CCDC191: variants seen among roughly 807,000 people sequenced by gnomAD.
CCDC191 encodes the protein coiled-coil domain-containing protein 191.
Under a neutral mutation model 114.0 loss-of-function variants are expected in CCDC191, and 99 were observed. The ratio of observed to expected loss-of-function variants is 0.87; its 90% CI spans 0.74 to 1.03. CCDC191 has a LOEUF of 1.03. CCDC191 is among the 50% of genes least tolerant of loss of function. CCDC191 has a pLI of 0.00. For missense variants in CCDC191, 973 were observed against 1,087.0 expected, an observed-to-expected ratio of 0.90 and a Z score of 1.47; for synonymous variants, 351 against 376.0, an observed-to-expected ratio of 0.93 and a Z score of 0.77.
chr3:114,027,853 T>A (rs1317058139), intron 7 of CCDC191, among the ~76,000 whole-genome samples: 1 of 152,156 alleles, frequency 6.6e-6, no homozygotes, highest in Admixed American at 6.5e-5. Flanking sequence ...CCTGTGGTCA[T>A]ACCTAGGCTG....
intron 13 of CCDC191, 31 bp downstream of exon 13, chr3:114,001,564 T>C: frequency 6.2e-7 from 1 of 1,612,588 alleles, no homozygotes; most frequent in Non-Finnish European, 8.5e-7. Context: ...AACCTCAAGA[T>C]ACAGGGACTG....
chr3:114,008,225 AG>A (rs961179041), intron 9 of CCDC191, among the ~76,000 whole-genome samples: 7 of 150,512 alleles, frequency 4.7e-5, no homozygotes, highest in African/African-American at 1.7e-4. Flanking sequence ...GTAAGGTAAA[AG>A]GTTCCATACA....
intron 13 of CCDC191, among the ~76,000 whole-genome samples, chr3:113,983,103 A>G (rs374546686): frequency 2.0e-5 from 3 of 152,246 alleles, no homozygotes; most frequent in East Asian, 1.9e-4. Flanking sequence ...CTTCCAAATC[A>G]AAGAATCACT....
chr3:114,005,352 C>G (rs1450970082), intron 10 of CCDC191, among the ~76,000 whole-genome samples, 156 bp downstream of exon 10: 1 of 152,174 alleles, frequency 6.6e-6, no homozygotes, highest in Non-Finnish European at 1.5e-5. Flanking sequence ...CTGTGCCTGT[C>G]ATATACTAGT....
intron 7 of CCDC191, among the ~76,000 whole-genome samples, chr3:114,021,128 A>G (rs1267768203): frequency 6.6e-6 from 1 of 152,182 alleles, no homozygotes. Context: ...CCTGAAAAAG[A>G]AAGGCACATT....
chr3:113,998,048 AT>A (rs2075767747), intron 13 of CCDC191, among the ~76,000 whole-genome samples: 1 of 151,350 alleles, frequency 6.6e-6, no homozygotes, highest in Non-Finnish European at 1.5e-5. Flanking sequence ...GCTCATGCCT[AT>A]AATCCCAGCA....
At chr3:114,051,193 T>C (rs2076694266) in intron 2 of CCDC191, among the ~76,000 whole-genome samples, 1 of 152,198 alleles carries the variant, frequency 6.6e-6, no homozygotes, top group South Asian at 2.1e-4. Context: ...CATCAACCTC[T>C]GATCCATCTC....
intron 7 of CCDC191, among the ~76,000 whole-genome samples, chr3:114,027,601 CAAAAAAA>C (rs67548547): frequency 1.7e-5 from 1 of 60,138 alleles, no homozygotes; most frequent in Non-Finnish European, 3.3e-5. Flanking sequence ...GACTCTGTCT[CAAAAAAA>C]AAAAAAAAAA....
At chr3:113,986,170 A>C (rs2075348386) in intron 13 of CCDC191, among the ~76,000 whole-genome samples, 2 of 152,244 alleles carry the variant, frequency 1.3e-5, no homozygotes, top group Non-Finnish European at 2.9e-5. Context: ...AAATAAAAAA[A>C]CACATGGTAA....
At chr3:114,054,265 G>A (rs1250586279) in intron 1 of CCDC191, 2 of 152,092 alleles carry the variant, frequency 1.3e-5, no homozygotes, top group Non-Finnish European at 2.9e-5. Context: ...TTCACTCTCT[G>A]TAACTCCTAG....
intron 13 of CCDC191, among the ~76,000 whole-genome samples, chr3:113,991,266 C>T (rs542848003): frequency 7.0e-6 from 1 of 142,412 alleles, no homozygotes; most frequent in Non-Finnish European, 1.5e-5. Context: ...AAACCCCCCC[C>T]CCCAAAAACC....
At chr3:114,046,377 T>C (rs2076629684) in intron 3 of CCDC191, among the ~76,000 whole-genome samples, 1 of 152,226 alleles carries the variant, frequency 6.6e-6, no homozygotes, top group Admixed American at 6.5e-5. Flanking sequence ...AAACTACCTC[T>C]GGATGTGGTT....
At chr3:114,003,886 C>A in intron 11 of CCDC191, 1 of 985,380 alleles carries the variant, frequency 1.0e-6, no homozygotes, top group Middle Eastern at 5.2e-4. Context: ...AACATAAGTA[C>A]AGTGAAGGAC....
chr3:113,989,902 G>A (rs1035513435), intron 13 of CCDC191, among the ~76,000 whole-genome samples: 1 of 152,126 alleles, frequency 6.6e-6, no homozygotes, highest in South Asian at 2.1e-4. Context: ...TGAGAGGATT[G>A]CTTGAGCCCA....
At chr3:114,006,127 T>TA in intron 9 of CCDC191, 165 bp from the exon 10 acceptor site, 1 of 706,804 alleles carries the variant, frequency 1.4e-6, no homozygotes, top group Non-Finnish European at 2.6e-6. Flanking sequence ...CCACCACTCT[T>TA]AAAACATGCA....
intron 11 of CCDC191, chr3:114,003,675 GATAGGCA>G: frequency 1.0e-6 from 1 of 985,416 alleles, no homozygotes; most frequent in Non-Finnish European, 1.2e-6. Flanking sequence ...CAAGCTTAAT[GATAGGCA>G]AAGACAGCAT....
At chr3:114,054,997 ACT>A (rs1415576522) in intron 1 of CCDC191, among the ~76,000 whole-genome samples, 1 of 150,954 alleles carries the variant, frequency 6.6e-6, no homozygotes, top group African/African-American at 2.4e-5. Context: ...ACTCAAATAT[ACT>A]CTTTAAAATA....
intron 11 of CCDC191, chr3:114,002,763 AAATT>A (rs2075878793): frequency 2.8e-5 from 26 of 926,420 alleles, no homozygotes; most frequent in Non-Finnish European, 3.3e-5. Context: ...AACAATTTAT[AAATT>A]AATTATTTTG....
intron 13 of CCDC191, among the ~76,000 whole-genome samples, chr3:113,990,331 A>C (rs1354926926): frequency 1.3e-5 from 2 of 152,142 alleles, no homozygotes; most frequent in Non-Finnish European, 2.9e-5. Context: ...GAGACTTGAA[A>C]ACTTAGATTA....
Sources: allele counts gnomAD v4.1 joint callset (sites outside exome capture counted in the v4.1 genomes callset), GRCh38; gene constraint gnomAD v4.1.1; transcripts MANE v1.5; gene names NCBI Gene and HGNC (gene_info 2026-07-23, HGNC 2026-07-21).